The following CDKAL1 variants were observed in gnomAD, a reference collection of about 807,000 sequenced individuals.
The protein encoded by CDKAL1 is CDKAL1 threonylcarbamoyladenosine tRNA methylthiotransferase, also known as threonylcarbamoyladenosine tRNA methylthiotransferase.
Under a neutral mutation model 68.2 loss-of-function variants are expected in CDKAL1, and 32 were observed. The ratio of observed to expected loss-of-function variants is 0.47; its 90% CI spans 0.35 to 0.63. The LOEUF (loss-of-function observed/expected upper bound fraction) is 0.63, where lower values mean the gene tolerates loss of function less well. CDKAL1 is among the 30% of genes least tolerant of loss of function. The pLI, the probability that CDKAL1 is intolerant of heterozygous loss-of-function variation, is 0.00. For missense variants in CDKAL1, 606 were observed against 696.7 expected (o/e 0.87, Z 1.47); for synonymous variants, 234 against 244.3 (o/e 0.96, Z 0.39).
chr6:20,872,701 T>G (rs1250918118), intron 9 of CDKAL1, among the ~76,000 whole-genome samples: 1 of 68,846 alleles, frequency 1.5e-5, no homozygotes, highest in East Asian at 4.4e-4. Context: ...CAAATCTACA[T>G]GGTAGGAAGA....
At chr6:21,215,191 G>A (rs1259523892) in intron 15 of CDKAL1, among the ~76,000 whole-genome samples, 4 of 152,172 alleles carry the variant, frequency 2.6e-5, no homozygotes, top group Non-Finnish European at 2.9e-5. Flanking sequence ...CTGGGACTCC[G>A]TGGGTGAATC....
intron 13 of CDKAL1, among the ~76,000 whole-genome samples, chr6:21,112,648 A>C (rs189848094): frequency 6.6e-6 from 1 of 152,308 alleles, no homozygotes; most frequent in Non-Finnish European, 1.5e-5. Context: ...TTCTACATAT[A>C]TATGCATGTA....
chr6:20,935,746 A>T (rs572828617), intron 9 of CDKAL1, among the ~76,000 whole-genome samples: 1 of 152,208 alleles, frequency 6.6e-6, no homozygotes, highest in African/African-American at 2.4e-5. Flanking sequence ...AGACTTTTTT[A>T]AAAAATAGAA....
intron 13 of CDKAL1, among the ~76,000 whole-genome samples, chr6:21,115,120 G>T (rs998516217): frequency 2.6e-5 from 4 of 152,160 alleles, no homozygotes; most frequent in African/African-American, 9.7e-5. Flanking sequence ...ATATGGAAAA[G>T]GGACAGTTTC....
Position 20,901,450 on chromosome 6 carries a change from A to G in CDKAL1, c.743-53969A>G, listed in dbSNP as rs543272801. On this transcript the variant is annotated intron_variant, in intron 9 of 15. Coordinates refer to ENST00000274695, the MANE Select transcript of CDKAL1 (RefSeq NM_017774.3). ...AGCACTTTGGGAGGCCGAGGCGGGC[A>G]GATCACAAGGTCAGGAGATCAAGAC... Among the ~76,000 whole-genome samples, 234 of 151,816 alleles carry G rather than the reference A, an allele frequency of 1.5e-3. 1 individual carries two copies. The highest frequency in any genetic ancestry group is 5.2e-3 in the African/African-American group (215 of 41,422).
chr6:20,912,226 C>A (rs1581815035), intron 9 of CDKAL1, among the ~76,000 whole-genome samples: 1 of 152,168 alleles, frequency 6.6e-6, no homozygotes, highest in East Asian at 1.9e-4. Context: ...AAACCCCCTC[C>A]TCAGCTTTCT....
chr6:20,660,212 G>A (rs1221041041), intron 5 of CDKAL1, among the ~76,000 whole-genome samples: 1 of 152,064 alleles, frequency 6.6e-6, no homozygotes, highest in African/African-American at 2.4e-5. Flanking sequence ...CTGTTGTTGT[G>A]TAGTATATTC....
At chr6:20,720,237 A>G (rs1281280873) in intron 5 of CDKAL1, among the ~76,000 whole-genome samples, 1 of 152,088 alleles carries the variant, frequency 6.6e-6, no homozygotes, top group Non-Finnish European at 1.5e-5. Context: ...ATACAGGCCC[A>G]TATATAGGCA....
chr6:21,177,296 T>G (rs147379713), intron 13 of CDKAL1, among the ~76,000 whole-genome samples: 24 of 152,326 alleles, frequency 1.6e-4, no homozygotes, highest in Admixed American at 2.6e-4. Context: ...CTCATTTCCA[T>G]TTTTATATTT....
chr6:21,161,071 G>A (rs987838544), intron 13 of CDKAL1, among the ~76,000 whole-genome samples: 5 of 152,090 alleles, frequency 3.3e-5, no homozygotes, highest in African/African-American at 9.7e-5. Flanking sequence ...GTAGTGTCAA[G>A]GAACAGGGAA....
chr6:21,080,150 A>G (rs1261124418), intron 12 of CDKAL1, among the ~76,000 whole-genome samples: 2 of 152,048 alleles, frequency 1.3e-5, no homozygotes, highest in East Asian at 1.9e-4. Flanking sequence ...TAACAAAAGT[A>G]AAGAAAAAGG....
intron 4 of CDKAL1, among the ~76,000 whole-genome samples, chr6:20,605,019 C>T (rs908195898): frequency 6.6e-6 from 1 of 152,096 alleles, no homozygotes; most frequent in African/African-American, 2.4e-5. Context: ...GCTTCTTGGC[C>T]ATTTTGCAGT....
At chr6:20,799,040 G>GTTTGTTTT (rs1776242945) in intron 8 of CDKAL1, among the ~76,000 whole-genome samples, 2 of 47,482 alleles carry the variant, frequency 4.2e-5, no homozygotes, top group Non-Finnish European at 7.3e-5. Context: ...AAAGAACTGA[G>GTTTGTTTT]TTTTTTTTTT....
chr6:21,044,924 G>A (rs1222400730), intron 11 of CDKAL1, among the ~76,000 whole-genome samples: 3 of 152,182 alleles, frequency 2.0e-5, no homozygotes, highest in Admixed American at 2.0e-4. Flanking sequence ...TTCAGTGTCA[G>A]GAGAAGGCTC....
At chr6:21,056,852 C>G (rs1015355111) in intron 11 of CDKAL1, among the ~76,000 whole-genome samples, 1 of 152,164 alleles carries the variant, frequency 6.6e-6, no homozygotes. Flanking sequence ...TTGAACCAGC[C>G]TTGCGTCCAG....
At chr6:21,207,282 C>A (rs1778978065) in intron 15 of CDKAL1, among the ~76,000 whole-genome samples, 2 of 151,922 alleles carry the variant, frequency 1.3e-5, no homozygotes. Flanking sequence ...AATCCCAGCA[C>A]TTCAGGAGGC....
intron 11 of CDKAL1, among the ~76,000 whole-genome samples, chr6:21,012,169 G>A (rs1245890435): frequency 6.6e-6 from 1 of 152,152 alleles, no homozygotes; most frequent in Non-Finnish European, 1.5e-5. Flanking sequence ...AGTCATACCC[G>A]TCACTTTTGA....
intron 9 of CDKAL1, among the ~76,000 whole-genome samples, chr6:20,890,849 A>G (rs1761354992): frequency 6.6e-6 from 1 of 152,252 alleles, no homozygotes; most frequent in South Asian, 2.1e-4. Context: ...TTAAAATTCA[A>G]TATAATAATA....
At chr6:20,591,166 T>C (rs1470008607) in intron 4 of CDKAL1, among the ~76,000 whole-genome samples, 2 of 152,220 alleles carry the variant, frequency 1.3e-5, no homozygotes, top group African/African-American at 2.4e-5. Flanking sequence ...TTTTGAGAAG[T>C]GTCCGTTCAT....
Sources: gnomAD v4.1 joint callset for allele counts (sites outside exome capture counted in the v4.1 genomes callset) on GRCh38, gnomAD v4.1.1 for gene constraint, MANE v1.5 for transcripts, NCBI Gene and HGNC (gene_info 2026-07-23, HGNC 2026-07-21) for gene names.